The following MYRIP variants were observed in gnomAD, a reference collection of about 807,000 sequenced individuals.
MYRIP encodes myosin VIIA and Rab interacting protein, also known as rab effector MyRIP.
Under a neutral mutation model 98.0 loss-of-function variants are expected in MYRIP, and 49 were observed. That is an observed-to-expected ratio of 0.50 (90% CI 0.40 to 0.63). MYRIP has a LOEUF of 0.63. Ranked by LOEUF, MYRIP falls within the 30% of genes least tolerant of loss-of-function variation. MYRIP has a pLI of 0.00. For missense variants in MYRIP, 1,004 were observed against 1,058.2 expected (o/e 0.95, Z 0.71); for synonymous variants, 404 against 409.5 (o/e 0.99, Z 0.16).
At chr3:39,995,418 A>G (rs1052015696) in intron 2 of MYRIP, among the ~76,000 whole-genome samples, 3 of 152,250 alleles carry the variant, frequency 2.0e-5, no homozygotes, top group Admixed American at 1.3e-4. Context: ...GATTCGATCA[A>G]CTGGAAGAAA....
chr3:40,146,856 A>C (rs2125568501), intron 3 of MYRIP, among the ~76,000 whole-genome samples: 1 of 152,296 alleles, frequency 6.6e-6, no homozygotes, highest in South Asian at 2.1e-4. Flanking sequence ...CCTTGCATGG[A>C]AGTCTGAAAG....
At chr3:39,899,677 A>G (rs1301680684) in intron 1 of MYRIP, among the ~76,000 whole-genome samples, 1 of 152,182 alleles carries the variant, frequency 6.6e-6, no homozygotes, top group African/African-American at 2.4e-5. Flanking sequence ...GATTACACCA[A>G]TTTATACCCC....
At chr3:40,068,234 A>C (rs1282332173) in intron 3 of MYRIP, among the ~76,000 whole-genome samples, 2 of 152,172 alleles carry the variant, frequency 1.3e-5, no homozygotes, top group Non-Finnish European at 2.9e-5. Flanking sequence ...TTTCTCACAA[A>C]ATTACATGAA....
At chr3:39,984,117 T>C (rs1293596047) in intron 2 of MYRIP, among the ~76,000 whole-genome samples, 2 of 152,130 alleles carry the variant, frequency 1.3e-5, no homozygotes, top group East Asian at 1.9e-4. Flanking sequence ...GGTGAGTGGT[T>C]GTGGGGCAGG....
intron 2 of MYRIP, among the ~76,000 whole-genome samples, chr3:39,941,461 G>A (rs187711724): frequency 6.6e-6 from 1 of 151,590 alleles, no homozygotes; most frequent in Non-Finnish European, 1.5e-5. Context: ...AAACTATATC[G>A]GGAGGAAATA....
At chr3:39,972,293 A>C (rs1945606373) in intron 2 of MYRIP, among the ~76,000 whole-genome samples, 1 of 151,998 alleles carries the variant, frequency 6.6e-6, no homozygotes, top group Non-Finnish European at 1.5e-5. Flanking sequence ...TTTAGTTCTT[A>C]TTCAGAGTGC....
In MYRIP at chr3:40,010,379, G is replaced by T. The variant is rs546402175; in HGVS notation, c.111-33671G>T. The stretch of plus-strand genomic sequence containing the variant: ...TGCCTGGAAGGGAGGAGAAAGAGCA[G>T]AGGAGCCCTGGCCACCCCAGATATT... On this transcript the variant is annotated intron_variant, in intron 2 of 16. Transcript: ENST00000302541. Among the ~76,000 whole-genome samples the T allele has an allele frequency of 1.5e-4, 23 of 152,340 alleles. No individual in the cohort carries two copies. In the South Asian group the frequency reaches 3.9e-3, roughly 26 times the overall value.
intron 3 of MYRIP, among the ~76,000 whole-genome samples, chr3:40,128,656 C>T (rs1949572130): frequency 6.6e-6 from 1 of 152,224 alleles, no homozygotes; most frequent in Non-Finnish European, 1.5e-5. Context: ...ATCTGCCATA[C>T]AGGGACATTC....
intron 1 of MYRIP, among the ~76,000 whole-genome samples, chr3:39,825,393 T>A (rs1941231681): frequency 6.6e-6 from 1 of 152,226 alleles, no homozygotes; most frequent in Admixed American, 6.5e-5. Flanking sequence ...TGAGAGTTTT[T>A]ATCATGAAGG....
At chr3:40,014,745 T>C (rs972949586) in intron 2 of MYRIP, among the ~76,000 whole-genome samples, 2 of 152,254 alleles carry the variant, frequency 1.3e-5, no homozygotes, top group Non-Finnish European at 2.9e-5. Flanking sequence ...CCTGGGAAAC[T>C]TGTCCCAGTT....
In MYRIP at chr3:40,190,356, A is replaced by G. The variant is rs1281285430; in HGVS notation, c.1558A>G (p.Thr520Ala). ...CGAGCCGGAGGAGGCCCCCCACACC[A>G]CAGACCGGCGGGCCAGGAGGTGGAG... is the stretch of plus-strand genomic sequence containing the variant. ...SSEPEEAPHT[T>A]DRRARRWRRA... The change falls in exon 10 of 17, where the codon ACA becomes GCA. Residue 520 changes from threonine to alanine, a missense_variant. This residue lies in a region of MYRIP where 880 missense variants were observed against 907.7 expected (regional missense o/e 0.97). Coordinates refer to ENST00000302541, the MANE Select transcript of MYRIP (RefSeq NM_015460.4). 4 of 1,613,758 alleles carry G rather than the reference A, an allele frequency of 2.5e-6. No individual in the cohort carries two copies. Among genetic ancestry groups the G allele is most frequent in the Non-Finnish European group, 1.7e-6 (2 of 1,179,928 alleles).
chr3:39,857,192 G>A (rs1019953643), intron 1 of MYRIP, among the ~76,000 whole-genome samples: 1 of 150,872 alleles, frequency 6.6e-6, no homozygotes, highest in Admixed American at 6.6e-5. Flanking sequence ...CAGCCTGAGT[G>A]ACAGGGTGAG....
intron 2 of MYRIP, among the ~76,000 whole-genome samples, chr3:40,036,322 A>AC (rs1389531262): frequency 1.3e-5 from 2 of 150,228 alleles, no homozygotes; most frequent in Admixed American, 6.6e-5. Context: ...AAAAAAAAAA[A>AC]AACTTTATTC....
chr3:39,993,129 T>C (rs1401087445), intron 2 of MYRIP, among the ~76,000 whole-genome samples: 1 of 152,158 alleles, frequency 6.6e-6, no homozygotes, highest in African/African-American at 2.4e-5. Flanking sequence ...AAGGGCATTC[T>C]TGCTGTGTCA....
At chr3:39,875,972 G>T (rs1212452667) in intron 1 of MYRIP, among the ~76,000 whole-genome samples, 20 of 152,130 alleles carry the variant, frequency 1.3e-4, no homozygotes, top group African/African-American at 4.8e-4. Context: ...TTGTGTGGGA[G>T]TCTAAGTCTC....
chr3:40,111,941 A>G (rs1393178952), intron 3 of MYRIP, among the ~76,000 whole-genome samples: 1 of 152,102 alleles, frequency 6.6e-6, no homozygotes, highest in Non-Finnish European at 1.5e-5. Flanking sequence ...ACATGAATTG[A>G]CCACTTTCTC....
chr3:40,029,561 A>G (rs939795477), intron 2 of MYRIP, among the ~76,000 whole-genome samples: 10 of 152,222 alleles, frequency 6.6e-5, no homozygotes, highest in Admixed American at 6.5e-4. Context: ...GTAAAAACAT[A>G]CATAGATTTC....
chr3:39,938,373 T>G (rs1412578461), intron 2 of MYRIP, among the ~76,000 whole-genome samples: 1 of 152,194 alleles, frequency 6.6e-6, no homozygotes, highest in Non-Finnish European at 1.5e-5. Flanking sequence ...ATTGATCTAT[T>G]CTACTGTCTG....
chr3:39,912,231 A>G (rs1430518869), intron 2 of MYRIP, among the ~76,000 whole-genome samples: 2 of 152,180 alleles, frequency 1.3e-5, no homozygotes, highest in Non-Finnish European at 2.9e-5. Context: ...CTCAGGCTGG[A>G]AGAGACTAGC....
Sources: gnomAD v4.1 joint callset for allele counts (sites outside exome capture counted in the v4.1 genomes callset) on GRCh38, gnomAD v4.1.1 for gene constraint, gnomAD v4.1.1 regional missense constraint, MANE v1.5 for transcripts, NCBI Gene and HGNC (gene_info 2026-07-23, HGNC 2026-07-21) for gene names.